The following CLIP1 variants were observed in gnomAD, a reference collection of about 807,000 sequenced individuals.
CLIP1 encodes the protein CAP-Gly domain containing linker protein 1, also known as CAP-Gly domain-containing linker protein 1.
Under a neutral mutation model 161.6 loss-of-function variants are expected in CLIP1, and 66 were observed. The observed-to-expected ratio is 0.41, with a 90% CI of 0.33 to 0.50. CLIP1 has a LOEUF of 0.50. Among genes scored for constraint, CLIP1 ranks in the 20% least tolerant of loss-of-function variants. CLIP1 has a pLI of 0.27. For missense variants in CLIP1, 1,376 were observed against 1,702.0 expected (o/e 0.81, Z 3.37); for synonymous variants, 598 against 626.2 (o/e 0.96, Z 0.67).
At position 122,337,176 on chromosome 12, in the gene CLIP1, G is replaced by A. The variant is rs373699332; in HGVS notation, c.2452-428C>T. 2.9e-4 allele frequency among the ~76,000 whole-genome samples: 44 copies of A among 151,844 alleles called. 1 individual carries two copies. The South Asian group carries it at 7.3e-3, about 25-fold the overall frequency. On this transcript the variant is annotated intron_variant, in intron 11 of 25. Transcript: ENST00000620786. Reference sequence around the variant, plus strand: ...ACAGATGGGGTCTCTGGCTGGGCTCGGTGGCTAATGCCTGTAATCCCAACA... The same window carrying A: ...ACAGATGGGGTCTCTGGCTGGGCTCAGTGGCTAATGCCTGTAATCCCAACA...
chr12:122,346,068 G>A (rs996349013), intron 10 of CLIP1, among the ~76,000 whole-genome samples: 15 of 152,136 alleles, frequency 9.9e-5, no homozygotes, highest in Non-Finnish European at 4.4e-5. Context: ...TTACAGGCAT[G>A]AGCCACCGCG....
chr12:122,390,415 G>A (rs1955608391), intron 1 of CLIP1, among the ~76,000 whole-genome samples: 1 of 150,538 alleles, frequency 6.6e-6, no homozygotes, highest in South Asian at 2.1e-4. Context: ...GGGTTCAAAC[G>A]ATTCTCCTAT....
intron 2 of CLIP1, among the ~76,000 whole-genome samples, chr12:122,379,241 G>A (rs1056940765): frequency 6.6e-6 from 1 of 151,712 alleles, no homozygotes; most frequent in African/African-American, 2.4e-5. Flanking sequence ...CTGGGAGGTG[G>A]AGGTTGCAGT....
At chr12:122,292,084 C>T (rs896772197) in intron 20 of CLIP1, among the ~76,000 whole-genome samples, 3 of 152,092 alleles carry the variant, frequency 2.0e-5, no homozygotes, top group African/African-American at 7.2e-5. Context: ...CTCCGCTTCC[C>T]AGGTTCAAGC....
intron 15 of CLIP1, among the ~76,000 whole-genome samples, chr12:122,331,488 T>C (rs536406636): frequency 6.6e-6 from 1 of 151,910 alleles, no homozygotes; most frequent in East Asian, 2.0e-4. Context: ...CTAATTTTTG[T>C]ATTTTTAGTA....
intron 20 of CLIP1, among the ~76,000 whole-genome samples, chr12:122,309,219 T>G (rs1019124106): frequency 6.6e-6 from 1 of 152,244 alleles, no homozygotes; most frequent in African/African-American, 2.4e-5. Flanking sequence ...TTCATGCCAG[T>G]TGTAACATAT....
At chr12:122,397,553 CAAAAAAA>C (rs35589479) in intron 1 of CLIP1, among the ~76,000 whole-genome samples, 16 of 66,864 alleles carry the variant, frequency 2.4e-4, no homozygotes, top group African/African-American at 8.8e-4. Flanking sequence ...ACTCCATCTC[CAAAAAAA>C]AAAAAAAAAA....
At chr12:122,387,618 GA>G (rs1485029981) in intron 1 of CLIP1, among the ~76,000 whole-genome samples, 1 of 51,324 alleles carries the variant, frequency 1.9e-5, no homozygotes, top group Non-Finnish European at 3.5e-5. Context: ...TTTTTTTTTA[GA>G]AACAAGGTCT....
At chr12:122,412,182 C>T (rs367805960) in intron 1 of CLIP1, among the ~76,000 whole-genome samples, 2 of 150,886 alleles carry the variant, frequency 1.3e-5, no homozygotes, top group South Asian at 2.1e-4. Flanking sequence ...AATCCTCCCA[C>T]CTCAGCCTCC....
intron 24 of CLIP1, chr12:122,276,295 C>T (rs1955422844): frequency 2.0e-5 from 20 of 1,018,912 alleles, no homozygotes; most frequent in Middle Eastern, 2.5e-4. Context: ...CACTTCTCAA[C>T]GTGCATTTTC....
chr12:122,274,280 C>A (rs1955301633), intron 24 of CLIP1, 118 bp from the exon 25 acceptor site: 2 of 765,880 alleles, frequency 2.6e-6, no homozygotes, highest in Non-Finnish European at 4.2e-6. Context: ...AAGGGGCCAA[C>A]AGCGGCTATT....
At chr12:122,291,763 A>AT (rs1359617453) in intron 20 of CLIP1, among the ~76,000 whole-genome samples, 3 of 152,164 alleles carry the variant, frequency 2.0e-5, no homozygotes, top group East Asian at 1.9e-4. Context: ...GAAAGATACT[A>AT]TTTTTTTCAT....
intron 19 of CLIP1, among the ~76,000 whole-genome samples, 188 bp from the exon 20 acceptor site, chr12:122,310,070 G>A (rs1301094592): frequency 6.6e-6 from 1 of 152,108 alleles, no homozygotes; most frequent in African/African-American, 2.4e-5. Context: ...CAAAAGGAGG[G>A]CTGCCACCCA....
chr12:122,381,883 C>A (rs898240277), intron 1 of CLIP1, among the ~76,000 whole-genome samples: 2 of 152,222 alleles, frequency 1.3e-5, no homozygotes, highest in African/African-American at 4.8e-5. Context: ...GAGATAAGAT[C>A]ATCCTGGATT....
intron 5 of CLIP1, among the ~76,000 whole-genome samples, chr12:122,357,497 G>A (rs1953481995): frequency 1.9e-4 from 2 of 10,656 alleles, no homozygotes; most frequent in South Asian, 6.2e-3. Context: ...ACCCCATCCA[G>A]GAGGGAGGTG....
At chr12:122,329,492 T>C (rs934279876) in intron 15 of CLIP1, among the ~76,000 whole-genome samples, 6 of 151,830 alleles carry the variant, frequency 4.0e-5, no homozygotes, top group African/African-American at 1.2e-4. Flanking sequence ...TAGCCGGGCA[T>C]GGTGGTGGGC....
chr12:122,375,315 C>CTTTTTTTTTTTTTTTTT (rs58301377), intron 3 of CLIP1, among the ~76,000 whole-genome samples: 1 of 142,822 alleles, frequency 7.0e-6, no homozygotes, highest in Non-Finnish European at 1.5e-5. Flanking sequence ...CCCTGAAATT[C>CTTTTTTTTTTTTTTTTT]TTTTTTTTTT....
intron 4 of CLIP1, among the ~76,000 whole-genome samples, chr12:122,362,630 A>G (rs1953909208): frequency 7.9e-6 from 1 of 126,742 alleles, no homozygotes. Context: ...ACAGAGCAAG[A>G]CTCCATCTCA....
intron 3 of CLIP1, among the ~76,000 whole-genome samples, chr12:122,373,094 C>T (rs560444325): frequency 6.6e-6 from 1 of 152,212 alleles, no homozygotes; most frequent in Non-Finnish European, 1.5e-5. Flanking sequence ...CCACTGGTTC[C>T]CCAATAACCT....
Sources: gnomAD v4.1 joint callset for allele counts (sites outside exome capture counted in the v4.1 genomes callset) on GRCh38, gnomAD v4.1.1 for gene constraint, MANE v1.5 for transcripts, NCBI Gene and HGNC (gene_info 2026-07-23, HGNC 2026-07-21) for gene names.